The following NKAIN2 variants were observed in gnomAD, a reference collection of about 807,000 sequenced individuals.
NKAIN2 encodes sodium/potassium transporting ATPase interacting 2.
NKAIN2 carries 14 observed loss-of-function variants against 32.6 expected under a neutral mutation model. The observed-to-expected ratio is 0.43, with a 90% CI of 0.28 to 0.67. The LOEUF is 0.67. Among genes scored for constraint, NKAIN2 ranks in the 30% least tolerant of loss-of-function variants. The pLI is 0.17. For synonymous variants in NKAIN2, 80 were observed against 87.2 expected, an observed-to-expected ratio of 0.92 and a Z score of 0.46; for missense variants, 198 against 258.3, an observed-to-expected ratio of 0.77 and a Z score of 1.60.
chr6:123,975,984 A>T (rs1778547962), intron 1 of NKAIN2, among the ~76,000 whole-genome samples: 1 of 151,550 alleles, frequency 6.6e-6, no homozygotes, highest in African/African-American at 2.4e-5. Context: ...GGTCTTTTCC[A>T]TGCTGTTCTG....
chr6:124,516,858 C>CT (rs1343378970), intron 3 of NKAIN2, among the ~76,000 whole-genome samples: 11 of 152,104 alleles, frequency 7.2e-5, no homozygotes, highest in Admixed American at 2.0e-4. Flanking sequence ...TGCATGGGGG[C>CT]TTTACTCCTT....
chr6:124,232,400 A>G (rs1295943172), intron 1 of NKAIN2, among the ~76,000 whole-genome samples: 2 of 152,206 alleles, frequency 1.3e-5, no homozygotes, highest in East Asian at 3.9e-4. Context: ...TGGACAGAGA[A>G]CAAGCCATGA....
intron 3 of NKAIN2, among the ~76,000 whole-genome samples, chr6:124,409,144 G>A (rs1008610648): frequency 1.3e-5 from 2 of 152,148 alleles, no homozygotes; most frequent in Admixed American, 6.5e-5. Flanking sequence ...TGCGAACAGG[G>A]ACAATTTGAC....
chr6:124,107,143 G>A (rs763056082), intron 1 of NKAIN2, among the ~76,000 whole-genome samples: 6 of 152,078 alleles, frequency 3.9e-5, no homozygotes, highest in Non-Finnish European at 8.8e-5. Context: ...AAGTGCAAAG[G>A]CCTGAGGCAA....
intron 1 of NKAIN2, among the ~76,000 whole-genome samples, chr6:123,952,597 G>A (rs1358970118): frequency 2.0e-5 from 3 of 151,936 alleles, no homozygotes; most frequent in African/African-American, 4.8e-5. Flanking sequence ...TTTTTAATTT[G>A]TATCTGCCTG....
intron 3 of NKAIN2, among the ~76,000 whole-genome samples, chr6:124,508,413 C>G (rs989174835): frequency 1.3e-4 from 19 of 151,404 alleles, no homozygotes; most frequent in Admixed American, 3.3e-4. Flanking sequence ...GGCTTGATCT[C>G]GGCTCGCTGC....
chr6:124,204,914 A>G (rs1790778735), intron 1 of NKAIN2, among the ~76,000 whole-genome samples: 2 of 151,686 alleles, frequency 1.3e-5, no homozygotes, highest in African/African-American at 4.8e-5. Context: ...AATATTAAAG[A>G]GATTTTTTAT....
At chr6:124,771,527 T>C (rs1255322532) in intron 4 of NKAIN2, among the ~76,000 whole-genome samples, 1 of 152,170 alleles carries the variant, frequency 6.6e-6, no homozygotes, top group African/African-American at 2.4e-5. Context: ...ATTATTGTCA[T>C]TGTAAGACGA....
At chr6:123,943,054 G>A (rs1776893039) in intron 1 of NKAIN2, among the ~76,000 whole-genome samples, 1 of 152,012 alleles carries the variant, frequency 6.6e-6, no homozygotes, top group African/African-American at 2.4e-5. Context: ...AATTTACAGT[G>A]TGGTTTGTTT....
At chr6:124,725,863 G>C (rs903093099) in intron 4 of NKAIN2, among the ~76,000 whole-genome samples, 8 of 152,230 alleles carry the variant, frequency 5.3e-5, no homozygotes, top group Admixed American at 5.2e-4. Flanking sequence ...CCGTGTGCAA[G>C]CCAAAGCAGG....
chr6:124,358,387 C>T (rs1167370314), intron 3 of NKAIN2, among the ~76,000 whole-genome samples: 6 of 152,050 alleles, frequency 3.9e-5, no homozygotes, highest in Non-Finnish European at 7.4e-5. Context: ...TTTACAGTCC[C>T]ACCAACAGTG....
chr6:124,156,432 G>A (rs1053801619), intron 1 of NKAIN2, among the ~76,000 whole-genome samples: 1 of 152,160 alleles, frequency 6.6e-6, no homozygotes, highest in Non-Finnish European at 1.5e-5. Context: ...GGTGCTCAAG[G>A]GAGTCACATC....
At chr6:123,994,881 A>C (rs1779553784) in intron 1 of NKAIN2, among the ~76,000 whole-genome samples, 1 of 152,190 alleles carries the variant, frequency 6.6e-6, no homozygotes, top group African/African-American at 2.4e-5. Flanking sequence ...TCATAACAAC[A>C]TCCCAGGAAA....
At chr6:124,310,143 G>A (rs765939005) in intron 2 of NKAIN2, among the ~76,000 whole-genome samples, 2 of 151,986 alleles carry the variant, frequency 1.3e-5, no homozygotes, top group Non-Finnish European at 2.9e-5. Context: ...ATCAAACCAC[G>A]AAGAAAAATG....
intron 3 of NKAIN2, among the ~76,000 whole-genome samples, chr6:124,357,101 T>C (rs570148022): frequency 6.6e-6 from 1 of 152,132 alleles, no homozygotes; most frequent in East Asian, 1.9e-4. Flanking sequence ...ATTCTTCCAA[T>C]GTACATGGGC....
intron 1 of NKAIN2, among the ~76,000 whole-genome samples, chr6:123,968,421 G>T (rs1441825676): frequency 4.6e-5 from 7 of 152,186 alleles, no homozygotes; most frequent in African/African-American, 1.7e-4. Context: ...AAAAGCAGGA[G>T]TATGCATTCA....
chr6:124,203,502 A>T (rs912312776), intron 1 of NKAIN2, among the ~76,000 whole-genome samples: 1 of 151,900 alleles, frequency 6.6e-6, no homozygotes, highest in Non-Finnish European at 1.5e-5. Flanking sequence ...TCTAATTTTT[A>T]AAATTTTTTT....
chr6:124,822,697 G>T (rs1006589196), intron 6 of NKAIN2, among the ~76,000 whole-genome samples: 8 of 152,046 alleles, frequency 5.3e-5, no homozygotes, highest in Non-Finnish European at 1.0e-4. Flanking sequence ...GGTACATGTT[G>T]TTGAAACAAA....
Position 123,835,010 on chromosome 6 carries a change from AT to A in NKAIN2, c.54+30757del, listed in dbSNP as rs542674586. 7.2e-3 allele frequency among the ~76,000 whole-genome samples: 1,088 copies of A among 152,154 alleles called. 2 individuals are homozygous for A. The highest frequency in any genetic ancestry group is 0.018 in the South Asian group (85 of 4,816). On this transcript the variant is annotated intron_variant, in intron 1 of 6. Transcript: ENST00000368417. ...ATTTCTATATCTATGTTCATGAGAGATCTTAGTCTTTTGTTTTCTTGTATTG... is the reference window on the plus strand; with the variant it reads ...ATTTCTATATCTATGTTCATGAGAGACTTAGTCTTTTGTTTTCTTGTATTG...
Sources: allele counts gnomAD v4.1 joint callset (sites outside exome capture counted in the v4.1 genomes callset), GRCh38; gene constraint gnomAD v4.1.1; transcripts MANE v1.5; gene names NCBI Gene and HGNC (gene_info 2026-07-23, HGNC 2026-07-21).